The following ZNF668 variants were observed in gnomAD, a reference collection of about 807,000 sequenced individuals.
The protein encoded by ZNF668 is zinc finger protein 668.
ZNF668 carries 10 observed loss-of-function variants against 40.3 expected under a neutral mutation model. The ratio of observed to expected loss-of-function variants is 0.25; its 90% confidence interval spans 0.15 to 0.42. ZNF668 has a LOEUF of 0.42. Ranked by LOEUF, ZNF668 falls within the 10% of genes least tolerant of loss-of-function variation. ZNF668 has a pLI of 1.00. For missense variants in ZNF668, 749 were observed against 904.6 expected (o/e 0.83, Z 2.21); for synonymous variants, 428 against 384.6 (o/e 1.11, Z -1.32).
rs1490234694 is a variant in ZNF668, at chr16:31,064,024, G to A, written c.436C>T (p.Pro146Ser). 2 of 1,606,236 alleles carry A rather than the reference G, an allele frequency of 1.2e-6. No homozygotes were observed. Among genetic ancestry groups the A allele is most frequent in the African/African-American group, 1.3e-5 (1 of 74,888 alleles). The change falls in exon 2 of 3, where the codon CCG becomes TCG. Residue 146 changes from proline to serine, a missense_variant. Transcript: ENST00000300849. Reference sequence around the variant, plus strand: ...TTGGAGAGCGCGCCATAGGCCTTCGGGCAGTGCGCACAGCGGAAGGGCAGT... The same window carrying A: ...TTGGAGAGCGCGCCATAGGCCTTCGAGCAGTGCGCACAGCGGAAGGGCAGT... Reference protein sequence around the residue: ...GELPFRCAHCPKAYGALSKLK... With the variant: ...GELPFRCAHCSKAYGALSKLK...
intron 1 of ZNF668, chr16:31,066,311 A>G (rs140754297): frequency 4.1e-6 from 4 of 985,424 alleles, no homozygotes; most frequent in Non-Finnish European, 2.4e-6. Context: ...CACCAGGAGG[A>G]TCCTCAAGCA....
intron 2 of ZNF668, chr16:31,062,797 A>AG (rs1402746436): frequency 2.1e-5 from 3 of 140,484 alleles, no homozygotes; most frequent in Non-Finnish European, 4.6e-5. Context: ...AAGAAAAAAA[A>AG]AAAAGACCAA....
rs1357103718 is a variant in ZNF668 at position 31,061,806 on chromosome 16, G to C, written c.1122C>G (p.Ala374=). Residue 374 remains alanine, a synonymous_variant, in exon 3 of 3, where the codon GCC becomes GCG. Coordinates refer to ENST00000300849, the MANE Select transcript of ZNF668 (RefSeq NM_024706.5). This position sits in a 1 kb window ranked among gnomAD's most constrained non-coding sequence, Gnocchi z 7.7. ...FRCEECGRAF[A]ERASLTKHSR... Reference sequence around the variant, plus strand: ...TATGCTTCGTGAGGCTGGCACGCTCGGCGAAGGCTCGCCCGCACTCCTCAC... The same window carrying C: ...TATGCTTCGTGAGGCTGGCACGCTCCGCGAAGGCTCGCCCGCACTCCTCAC... The C allele has an allele frequency of 1.2e-6, 2 of 1,612,252 alleles. No individual in the cohort carries two copies. Among genetic ancestry groups the C allele is most frequent in the South Asian group, 2.2e-5 (2 of 91,024 alleles).
In ZNF668 at chr16:31,061,779, G is replaced by C. The variant is rs559052919; in HGVS notation, c.1149C>G (p.Ser383Arg). 2.0e-5 allele frequency: 32 copies of C among 1,611,046 alleles called. No homozygotes were observed. The Admixed American group carries it at 2.5e-4, about 13-fold the overall frequency. Reference sequence around the variant, plus strand: ...AGGGGCGCTCCCCCGAGTGCACCCGGCTATGCTTCGTGAGGCTGGCACGCT... The same window carrying C: ...AGGGGCGCTCCCCCGAGTGCACCCGCCTATGCTTCGTGAGGCTGGCACGCT... ...FAERASLTKH[S>R]RVHSGERPFH... Residue 383 changes from serine to arginine, a missense_variant, in exon 3 of 3, where the codon AGC becomes AGG. Coordinates refer to ENST00000300849, the MANE Select transcript of ZNF668 (RefSeq NM_024706.5). This position sits in a 1 kb window ranked among gnomAD's most constrained non-coding sequence, Gnocchi z 7.7.
At position 31,064,134 on chromosome 16, in the gene ZNF668, TC is replaced by T; in HGVS notation, c.325del (p.Glu109ArgfsTer197). The part of the protein sequence containing the change: ...LRSHGRSHTG[E>X]KPFPCPECGR... ...GCACTCGGGGCACGGAAAGGGCTTC[TC>T]CCCCGTGTGGCTGCGCCCGTGGCTG... is the stretch of plus-strand genomic sequence containing the variant. On this transcript the variant is annotated frameshift_variant, in exon 2 of 3. Transcript: ENST00000300849. LOFTEE classifies it high-confidence loss of function. 6.2e-7 allele frequency: 1 copy of T among 1,607,320 alleles called. No homozygotes were observed.
At chr16:31,066,573 T>G (rs148882989) in intron 1 of ZNF668, among the ~76,000 whole-genome samples, 1 of 151,808 alleles carries the variant, frequency 6.6e-6, no homozygotes, top group African/African-American at 2.4e-5. Flanking sequence ...AAATAAAAAT[T>G]AGCAGATGTG....
chr16:31,064,921 CT>C, intron 1 of ZNF668: 3 of 1,383,704 alleles, frequency 2.2e-6, no homozygotes, highest in Non-Finnish European at 1.9e-6. Context: ...CAGAAAAGGG[CT>C]GAGCCAATGG....
At position 31,062,396 on chromosome 16, in the gene ZNF668, C is replaced by T. The variant is rs149571238; in HGVS notation, c.648-116G>A. The T allele has an allele frequency of 5.9e-4, 823 of 1,393,480 alleles. 2 individuals are homozygous for T. Among genetic ancestry groups the T allele is most frequent in the Middle Eastern group, 1.3e-3 (7 of 5,336 alleles). 86.3% of individuals were successfully genotyped at this position (1,393,480 alleles called of 1,614,324 possible). On this transcript the variant is annotated intron_variant, in intron 2 of 2. Coordinates refer to ENST00000300849, the MANE Select transcript of ZNF668 (RefSeq NM_024706.5). Reference sequence around the variant, plus strand: ...ACGTTCGTGGGGGCCTAGGCTTAATCCCCTAAGAGCCACATGGCTGCACCC... The same window carrying T: ...ACGTTCGTGGGGGCCTAGGCTTAATTCCCTAAGAGCCACATGGCTGCACCC...
intron 1 of ZNF668, chr16:31,069,302 CACA>C: frequency 7.6e-6 from 1 of 131,174 alleles, no homozygotes; most frequent in East Asian, 2.7e-4. Flanking sequence ...CACACACACA[CACA>C]CCTGCCTACC....
At position 31,063,818 on chromosome 16, in the gene ZNF668, A is replaced by T; in HGVS notation, c.642T>A (p.His214Gln). The T allele has an allele frequency of 6.4e-7, 1 of 1,568,110 alleles. No homozygotes were observed. Among genetic ancestry groups the T allele is most frequent in the Non-Finnish European group, 8.7e-7 (1 of 1,151,862 alleles). Residue 214 changes from histidine to glutamine, a missense_variant, in exon 2 of 3, where the codon CAT becomes CAA. Transcript: ENST00000300849. Reference protein sequence around the residue: ...AYAELKDLRNHERSHTGERPF... With the variant: ...AYAELKDLRNQERSHTGERPF... ...GCCCCGGAAGGCACCCTCACCGCTC[A>T]TGGTTGCGGAGGTCCTTGAGCTCCG...
chr16:31,067,764 C>T (rs1434267537), intron 1 of ZNF668, among the ~76,000 whole-genome samples: 3 of 152,096 alleles, frequency 2.0e-5, no homozygotes, highest in African/African-American at 7.2e-5. Context: ...GCCCATGGTC[C>T]CACAATGGGT....
At chr16:31,065,214 T>A in intron 1 of ZNF668, 2 of 845,752 alleles carry the variant, frequency 2.4e-6, no homozygotes, top group Non-Finnish European at 2.9e-6. Context: ...CTGATGTATC[T>A]GATCTAACAT....
intron 1 of ZNF668, among the ~76,000 whole-genome samples, chr16:31,065,811 G>A (rs2056977210): frequency 6.6e-6 from 1 of 151,006 alleles, no homozygotes; most frequent in Admixed American, 6.6e-5. Flanking sequence ...CCAAGATCGT[G>A]CCACCGCACT....
rs780838394 is a variant in ZNF668, at chr16:31,064,322, C to T, written c.138G>A (p.Pro46=). Residue 46 remains proline, a synonymous_variant, in exon 2 of 3, where the codon CCG becomes CCA. Coordinates refer to ENST00000300849, the MANE Select transcript of ZNF668 (RefSeq NM_024706.5). ...RAARHAATHG[P]ADCSEEVAEV... ...CGGCCACCTCTTCAGAGCAGTCTGC[C>T]GGCCCATGTGTGGCAGCGTGGCGCG... The T allele has an allele frequency of 8.7e-6, 14 of 1,613,828 alleles. No individual in the cohort carries two copies. Among genetic ancestry groups the T allele is most frequent in the Admixed American group, 5.0e-5 (3 of 60,010 alleles).
intron 1 of ZNF668, among the ~76,000 whole-genome samples, chr16:31,069,650 ATCTACTCTTT>A (rs1258149478): frequency 2.0e-5 from 3 of 151,572 alleles, no homozygotes; most frequent in Non-Finnish European, 4.4e-5. Flanking sequence ...ATCATTCTCT[ATCTACTCTTT>A]ATTATTATTA....
intron 1 of ZNF668, among the ~76,000 whole-genome samples, chr16:31,067,748 T>C (rs529085613): frequency 2.0e-5 from 3 of 152,176 alleles, no homozygotes; most frequent in Non-Finnish European, 4.4e-5. Flanking sequence ...AAGAGTTAAG[T>C]GACTTGCCCA....
At position 31,064,004 on chromosome 16, in the gene ZNF668, G is replaced by A. The variant is rs2056959108; in HGVS notation, c.456C>T (p.Leu152=). 6.2e-7 allele frequency: 1 copy of A among 1,609,556 alleles called. No homozygotes were observed. Among genetic ancestry groups the A allele is most frequent in the South Asian group, 1.1e-5 (1 of 90,916 alleles). The change falls in exon 2 of 3, where the codon CTC becomes CTT. Residue 152 remains leucine, a synonymous_variant. Transcript: ENST00000300849. The stretch of plus-strand genomic sequence containing the variant: ...CACGCTGGTGGATCTTGAGCTTGGA[G>A]AGCGCGCCATAGGCCTTCGGGCAGT... The part of the protein sequence containing the change: ...CAHCPKAYGA[L]SKLKIHQRGH...
intron 2 of ZNF668, among the ~76,000 whole-genome samples, chr16:31,063,298 A>G (rs538887026): frequency 3.9e-5 from 6 of 151,970 alleles, no homozygotes; most frequent in East Asian, 1.9e-4. Flanking sequence ...ACGCTCGGGT[A>G]ATTTTTTTAT....
At chr16:31,069,609 A>C (rs2057000846) in intron 1 of ZNF668, among the ~76,000 whole-genome samples, 1 of 151,808 alleles carries the variant, frequency 6.6e-6, no homozygotes, top group African/African-American at 2.4e-5. Context: ...CTGAATGACT[A>C]CCTTTCTCAA....
Sources: gnomAD v4.1 joint callset for allele counts (sites outside exome capture counted in the v4.1 genomes callset) on GRCh38, gnomAD v4.1.1 for gene constraint, Gnocchi (gnomAD v3.1) non-coding constraint, MANE v1.5 for transcripts, NCBI Gene and HGNC (gene_info 2026-07-23, HGNC 2026-07-21) for gene names.